Variants in CHST8 observed in about 807,000 individuals in gnomAD.
CHST8 encodes carbohydrate sulfotransferase 8, also known as GALNAC-4-ST1.
CHST8 carries 10 observed loss-of-function variants against 15.0 expected under a neutral mutation model. That is an observed-to-expected ratio of 0.67 (90% CI 0.41 to 1.13). The LOEUF (loss-of-function observed/expected upper bound fraction) is 1.13, where lower values mean the gene tolerates loss of function less well. Ranked by LOEUF, CHST8 falls within the 50% of genes most tolerant of loss-of-function variation. The pLI is 0.00. For missense variants in CHST8, 634 were observed against 608.2 expected, an observed-to-expected ratio of 1.04 and a Z score of -0.45; for synonymous variants, 259 against 256.6, an observed-to-expected ratio of 1.01 and a Z score of -0.09.
chr19:33,709,326 C>A (rs773412251), intron 3 of CHST8, among the ~76,000 whole-genome samples: 5 of 152,048 alleles, frequency 3.3e-5, no homozygotes, highest in Non-Finnish European at 4.4e-5. Flanking sequence ...CCATCTTTCA[C>A]CAATAAGTAT....
chr19:33,764,508 A>G (rs925540431), intron 3 of CHST8, among the ~76,000 whole-genome samples: 3 of 152,120 alleles, frequency 2.0e-5, no homozygotes, highest in Non-Finnish European at 4.4e-5. Flanking sequence ...TCTTCAAACA[A>G]CAAACAAAAA....
chr19:33,668,457 A>G (rs7252117), intron 2 of CHST8, among the ~76,000 whole-genome samples: 3,722 of 152,178 alleles, frequency 0.024, 128 homozygotes, highest in African/African-American at 0.083. Context: ...TGAGGGGGGA[A>G]AGATAGCCTC....
At chr19:33,762,122 T>C (rs1169627186) in intron 3 of CHST8, among the ~76,000 whole-genome samples, 1 of 152,128 alleles carries the variant, frequency 6.6e-6, no homozygotes. Context: ...GTGTAAGGGG[T>C]GATGCAGTGG....
chr19:33,731,678 T>C (rs1261713091), intron 3 of CHST8, among the ~76,000 whole-genome samples: 1 of 152,194 alleles, frequency 6.6e-6, no homozygotes, highest in East Asian at 1.9e-4. Flanking sequence ...CCAGTATCTA[T>C]ACAAGATGGA....
At chr19:33,741,555 G>C (rs1164407609) in intron 3 of CHST8, among the ~76,000 whole-genome samples, 1 of 152,070 alleles carries the variant, frequency 6.6e-6, no homozygotes, top group Non-Finnish European at 1.5e-5. Flanking sequence ...CCAACATGGT[G>C]GTTGCAACTG....
At chr19:33,726,390 G>A (rs980690745) in intron 3 of CHST8, among the ~76,000 whole-genome samples, 5 of 152,054 alleles carry the variant, frequency 3.3e-5, no homozygotes, top group African/African-American at 7.2e-5. Context: ...GCGAGACCCC[G>A]TTTCTACCCA....
In CHST8 at chr19:33,644,344, A is replaced by G. The variant is rs77015769; in HGVS notation, c.-164+22048A>G. ...GTGCATGTCAGGTACTGTTCTAGGC[A>G]CTGGGGGATACAGCAGGACGTGAAG... On this transcript the variant is annotated intron_variant, in intron 1 of 4. Transcript: ENST00000650847. Among the ~76,000 whole-genome samples, 18 of 152,296 alleles carry G rather than the reference A, an allele frequency of 1.2e-4. No individual in the cohort carries two copies. The East Asian group carries it at 3.3e-3, about 28-fold the overall frequency.
intron 3 of CHST8, among the ~76,000 whole-genome samples, chr19:33,713,061 G>A (rs1412997673): frequency 6.6e-6 from 1 of 152,090 alleles, no homozygotes; most frequent in Non-Finnish European, 1.5e-5. Context: ...CCCAGCATCG[G>A]GTGGCTGGCA....
At chr19:33,764,044 C>T (rs999938492) in intron 3 of CHST8, among the ~76,000 whole-genome samples, 6 of 152,226 alleles carry the variant, frequency 3.9e-5, no homozygotes, top group Admixed American at 3.3e-4. Context: ...AGGGGGCTGG[C>T]ACCTGCTGCC....
chr19:33,694,528 G>A (rs1973172608), intron 3 of CHST8, among the ~76,000 whole-genome samples: 1 of 152,012 alleles, frequency 6.6e-6, no homozygotes, highest in Non-Finnish European at 1.5e-5. Flanking sequence ...ATTTAACGAT[G>A]AAGATAATAA....
At chr19:33,654,551 G>A (rs532216586) in intron 1 of CHST8, among the ~76,000 whole-genome samples, 1 of 151,942 alleles carries the variant, frequency 6.6e-6, no homozygotes, top group South Asian at 2.1e-4. Context: ...GAGCCTCCAT[G>A]GGTTCATCAG....
chr19:33,758,961 G>A (rs1463719874), intron 3 of CHST8, among the ~76,000 whole-genome samples: 4 of 152,048 alleles, frequency 2.6e-5, no homozygotes, highest in Admixed American at 2.0e-4. Context: ...ACTCATGGCA[G>A]CGGGCAAGCG....
At chr19:33,761,801 C>G (rs1020361580) in intron 3 of CHST8, among the ~76,000 whole-genome samples, 1 of 151,808 alleles carries the variant, frequency 6.6e-6, no homozygotes, top group African/African-American at 2.4e-5. Context: ...CCACGGCACT[C>G]CAGCATGGGC....
intron 1 of CHST8, among the ~76,000 whole-genome samples, chr19:33,650,493 TTC>T (rs1972424350): frequency 8.0e-6 from 1 of 124,940 alleles, no homozygotes; most frequent in African/African-American, 3.6e-5. Flanking sequence ...TTTTTTTCTT[TTC>T]TTTTTCTTTT....
At chr19:33,669,757 A>G (rs1972711406) in intron 2 of CHST8, among the ~76,000 whole-genome samples, 2 of 152,174 alleles carry the variant, frequency 1.3e-5, no homozygotes. Flanking sequence ...GCAGGCTTCA[A>G]GTTTTGCAGA....
At chr19:33,660,800 C>T (rs1972576089) in intron 1 of CHST8, among the ~76,000 whole-genome samples, 1 of 152,210 alleles carries the variant, frequency 6.6e-6, no homozygotes, top group Non-Finnish European at 1.5e-5. Context: ...CAGCCAGTGC[C>T]TTGGGTGCAC....
chr19:33,697,177 G>A (rs942366412), intron 3 of CHST8, among the ~76,000 whole-genome samples: 4 of 151,842 alleles, frequency 2.6e-5, no homozygotes, highest in African/African-American at 9.7e-5. Context: ...TTCATGTCCT[G>A]TGCCCACTTT....
At position 33,746,105 on chromosome 19, in the gene CHST8, T is replaced by G. The variant is rs2376993; in HGVS notation, c.131-25308T>G. ...TTTATAAAAGCCTTTTCCTTCCAAG[T>G]GTTGCCATTTGGTGTTACTGAGATA... On this transcript the variant is annotated intron_variant, in intron 3 of 4. Transcript: ENST00000650847. Among the ~76,000 whole-genome samples, 1,257 of 152,340 alleles carry G rather than the reference T, an allele frequency of 8.3e-3. 21 individuals carry two copies. The highest frequency in any genetic ancestry group is 0.029 in the African/African-American group (1,216 of 41,572).
intron 1 of CHST8, among the ~76,000 whole-genome samples, chr19:33,638,195 C>A (rs936646973): frequency 2.0e-5 from 3 of 152,274 alleles, no homozygotes; most frequent in Admixed American, 1.3e-4. Context: ...TCCTGTCTTT[C>A]ACCACCGAAC....
Sources: allele counts gnomAD v4.1 joint callset (sites outside exome capture counted in the v4.1 genomes callset), GRCh38; gene constraint gnomAD v4.1.1; transcripts MANE v1.5; gene names NCBI Gene and HGNC (gene_info 2026-07-23, HGNC 2026-07-21).